Variants in CDHR4 observed in about 807,000 individuals in gnomAD.
CDHR4 encodes the protein cadherin-related family member 4.
Under a neutral mutation model 88.4 loss-of-function variants are expected in CDHR4, and 89 were observed. The observed-to-expected ratio is 1.01, with a 90% CI of 0.85 to 1.20. The LOEUF is 1.20. CDHR4 is among the 50% of genes most tolerant of loss of function. The pLI, the probability that CDHR4 is intolerant of heterozygous loss-of-function variation, is 0.00. For synonymous variants in CDHR4, 368 were observed against 399.2 expected (o/e 0.92, Z 0.93); for missense variants, 914 against 1,007.2 (o/e 0.91, Z 1.25).
rs768274045 is a variant in CDHR4, at chr3:49,791,976, A to T, written c.2139-17T>A. The T allele has an allele frequency of 1.3e-6, 2 of 1,551,440 alleles. No individual in the cohort carries two copies. The highest frequency in any genetic ancestry group is 2.4e-5 in the South Asian group (2 of 84,036). Reference sequence around the variant, plus strand: ...TGGGCCAACCTAAAATGCCAGGAGGAGTAACGAAGCAGTGAGGGCAGCAGG... The same window carrying T: ...TGGGCCAACCTAAAATGCCAGGAGGTGTAACGAAGCAGTGAGGGCAGCAGG... On this transcript the variant is annotated splice_polypyrimidine_tract_variant and intron_variant, in intron 15 of 18. Coordinates refer to ENST00000412678, the MANE Select transcript of CDHR4 (RefSeq NM_001007540.4).
Position 49,792,516 on chromosome 3 carries a change from G to A in CDHR4, c.2090C>T (p.Ala697Val). Residue 697 changes from alanine (A) to valine (V), a missense_variant, in exon 15 of 19, where the codon GCT becomes GTT. Coordinates refer to ENST00000412678, the MANE Select transcript of CDHR4 (RefSeq NM_001007540.4). ...WFVVVLTATGALLLLALGWLL... is the reference protein window; with the variant it reads ...WFVVVLTATGVLLLLALGWLL... ...CCAGCCTAGGGCCAAGAGGAGAAGA[G>A]CACCAGTTGCTGTCAACACCACCAC... is the stretch of plus-strand genomic sequence containing the variant. 1 of 1,551,710 alleles carries A rather than the reference G, an allele frequency of 6.4e-7. No homozygotes were observed. The highest frequency in any genetic ancestry group is 8.7e-7 in the Non-Finnish European group (1 of 1,146,992).
chr3:49,790,918 G>T, intron 18 of CDHR4, 31 bp from the exon 19 acceptor site: 1 of 1,528,832 alleles, frequency 6.5e-7, no homozygotes, highest in South Asian at 1.2e-5. Flanking sequence ...AGGAGAGCAG[G>T]GGGTGCTGCT....
chr3:49,799,580 C>T, intron 1 of CDHR4, 143 bp from the exon 2 acceptor site: 2 of 1,123,580 alleles, frequency 1.8e-6, no homozygotes, highest in Non-Finnish European at 2.5e-6. Flanking sequence ...CAGCATCCAG[C>T]ATTTCACAGA....
At chr3:49,799,897 C>G, upstream of CDHR4, 2 of 1,462,894 alleles carry the variant, frequency 1.4e-6, no homozygotes, top group Admixed American at 3.5e-5. Flanking sequence ...GTCAGTTGCT[C>G]AAACATAGCT....
upstream of CDHR4, chr3:49,799,888 T>C: frequency 1.3e-6 from 2 of 1,531,402 alleles, no homozygotes; most frequent in Non-Finnish European, 1.8e-6. Flanking sequence ...TGTTGCCAGG[T>C]CAGTTGCTCA....
intron 4 of CDHR4, 98 bp from the exon 5 acceptor site, chr3:49,797,130 A>G: frequency 1.3e-6 from 1 of 746,374 alleles, no homozygotes; most frequent in East Asian, 2.8e-5. Flanking sequence ...CCCAGCAGGC[A>G]CCTGCCTACA....
At position 49,792,926 on chromosome 3, in the gene CDHR4, G is replaced by A. The variant is rs1375055256; in HGVS notation, c.1923C>T (p.Thr641=). Residue 641 remains threonine, a synonymous_variant, in exon 14 of 19, where the codon ACC becomes ACT. Coordinates refer to ENST00000412678, the MANE Select transcript of CDHR4 (RefSeq NM_001007540.4). ...DAGPSTPHLS[T]TATIIVHLVP... is the part of the protein sequence containing the mutation. The stretch of plus-strand genomic sequence containing the variant: ...CTAGATGCACAATAATGGTGGCTGT[G>A]GTGCTGAGGTGGGGGGTGGAGGGGC... 6 of 1,551,642 alleles carry A rather than the reference G, an allele frequency of 3.9e-6. No homozygotes were observed. The Admixed American group carries it at 9.8e-5, about 25-fold the overall frequency.
rs1311280717 is a variant in CDHR4, at chr3:49,791,566, T to G, written c.2284-98A>C. On this transcript the variant is annotated intron_variant, in intron 17 of 18. Coordinates refer to ENST00000412678, the MANE Select transcript of CDHR4 (RefSeq NM_001007540.4). The stretch of plus-strand genomic sequence containing the variant: ...CTAGGGGGCCAGAAGCCCACCTGCC[T>G]CCTCCATTCTGATGGTGCTAGTGTG... The G allele has an allele frequency of 4.1e-6, 6 of 1,480,912 alleles. No individual in the cohort carries two copies. In the East Asian group the frequency reaches 1.5e-4, roughly 36 times the overall value. The allele number at this position is 1,480,912 out of a possible 1,614,324, so 91.7% of individuals were successfully genotyped here.
chr3:49,798,482 G>A, intron 4 of CDHR4: 1 of 316,568 alleles, frequency 3.2e-6, no homozygotes. Flanking sequence ...CAGCTACTCG[G>A]GAGGCTGAGG....
At chr3:49,796,082 G>T in intron 5 of CDHR4, 36 bp from the exon 6 acceptor site, 1 of 1,433,264 alleles carries the variant, frequency 7.0e-7, no homozygotes. Flanking sequence ...GAGCCAGATT[G>T]TGTGTGTCCA....
Position 49,798,838 on chromosome 3 carries a change from G to A in CDHR4, c.483C>T (p.Leu161=). ...GTTCTGGGCTTACCTGCGCTCCGTG[G>A]AGTTCTAGGCCTGGGAGGAGCAGAG... is the stretch of plus-strand genomic sequence containing the variant. ...LYTLLLPGLE[L]HGAQMSIISA... The change falls in exon 4 of 19, where the codon CTC becomes CTT. Residue 161 remains leucine (L), a synonymous_variant. Transcript: ENST00000412678. 6.2e-7 allele frequency: 1 copy of A among 1,613,900 alleles called. No homozygotes were observed. The highest frequency in any genetic ancestry group is 8.5e-7 in the Non-Finnish European group (1 of 1,179,854).
At position 49,799,786 on chromosome 3, in the gene CDHR4, G is replaced by A. The variant is rs1226413561; in HGVS notation, c.27C>T (p.Phe9=). Residue 9 remains phenylalanine (F), a synonymous_variant, in exon 1 of 19, where the codon TTC becomes TTT. Coordinates refer to ENST00000412678, the MANE Select transcript of CDHR4 (RefSeq NM_001007540.4). MVLLRLLV[F]LFAPVVSDLC... ...CACCAGAGACCACCGGAGCAAAGAG[G>A]AACACGAGGAGCCTGAGCAGCACCA... 5.0e-6 allele frequency: 8 copies of A among 1,613,780 alleles called. No homozygotes were observed. In the East Asian group the frequency reaches 1.8e-4, roughly 36 times the overall value.
At chr3:49,792,402 C>T (rs1304465375) in intron 15 of CDHR4, 66 bp downstream of exon 15, 4 of 1,529,666 alleles carry the variant, frequency 2.6e-6, no homozygotes, top group East Asian at 4.9e-5. Flanking sequence ...GGTGAAACCA[C>T]CCATCACAAC....
chr3:49,794,852 C>T (rs1360803663), intron 9 of CDHR4, 95 bp downstream of exon 9: 3 of 1,496,388 alleles, frequency 2.0e-6, no homozygotes, highest in Non-Finnish European at 2.7e-6. Context: ...GCCATCCCTC[C>T]ACCCCCACTC....
intron 12 of CDHR4, 88 bp downstream of exon 12, chr3:49,793,495 G>T: frequency 6.6e-7 from 1 of 1,505,874 alleles, no homozygotes; most frequent in Non-Finnish European, 8.9e-7. Flanking sequence ...AGAAACCAAG[G>T]CACAGAGTGG....
In CDHR4 at chr3:49,799,279, A is replaced by G. The variant is rs767265156; in HGVS notation, c.208T>C (p.Leu70=). 1.2e-6 allele frequency: 2 copies of G among 1,613,790 alleles called. No homozygotes were observed. Among genetic ancestry groups the G allele is most frequent in the Non-Finnish European group, 1.7e-6 (2 of 1,179,726 alleles). ...PPTTFFNPPS[L]ARWQGTYVGK... Reference sequence around the variant, plus strand: ...ACATAGGTCCCTTGCCACCTGGCCAAGCTGGGTGGGTTGAAGAAGGTGGTG... The same window carrying G: ...ACATAGGTCCCTTGCCACCTGGCCAGGCTGGGTGGGTTGAAGAAGGTGGTG... Residue 70 remains leucine, a synonymous_variant, in exon 2 of 19, where the codon TTG becomes CTG. Coordinates refer to ENST00000412678, the MANE Select transcript of CDHR4 (RefSeq NM_001007540.4).
intron 10 of CDHR4, 26 bp downstream of exon 10, chr3:49,794,582 T>G (rs1047168034): frequency 6.5e-7 from 1 of 1,529,072 alleles, no homozygotes; most frequent in Non-Finnish European, 8.8e-7. Flanking sequence ...TTGTCCTGGG[T>G]GTCCAGGCCG....
rs986065686 is a variant in CDHR4, at chr3:49,794,976, T to G, written c.1156A>C (p.Ser386Arg). ...LWFRSSSNPASLCLYDRVLEV... is the reference protein window; with the variant it reads ...LWFRSSSNPARLCLYDRVLEV... Reference sequence around the variant, plus strand: ...AGGACTCTGTCATAAAGGCAGAGGCTGGCAGGGTTGGAAGAGCTGCGGAAC... The same window carrying G: ...AGGACTCTGTCATAAAGGCAGAGGCGGGCAGGGTTGGAAGAGCTGCGGAAC... Residue 386 changes from serine (S) to arginine (R), a missense_variant, in exon 9 of 19, where the codon AGC (serine) becomes CGC (arginine). Coordinates refer to ENST00000412678, the MANE Select transcript of CDHR4 (RefSeq NM_001007540.4). 1 of 1,551,508 alleles carries G rather than the reference T, an allele frequency of 6.4e-7. No homozygotes were observed. Among genetic ancestry groups the G allele is most frequent in the Non-Finnish European group, 8.7e-7 (1 of 1,146,964 alleles).
intron 12 of CDHR4, 37 bp from the exon 13 acceptor site, chr3:49,793,348 C>A: frequency 6.5e-7 from 1 of 1,546,060 alleles, no homozygotes; most frequent in East Asian, 2.4e-5. Context: ...GGGTGGAACC[C>A]ACCCCCTAAA....
Sources: gnomAD v4.1 joint callset for allele counts on GRCh38, gnomAD v4.1.1 for gene constraint, MANE v1.5 for transcripts, NCBI Gene and HGNC (gene_info 2026-07-23, HGNC 2026-07-21) for gene names.